The following CNTNAP2 variants were observed in gnomAD, a reference collection of about 807,000 sequenced individuals.
CNTNAP2 encodes the protein contactin associated protein 2, also known as contactin-associated protein-like 2.
Under a neutral mutation model 155.2 loss-of-function variants are expected in CNTNAP2, and 98 were observed. That is an observed-to-expected ratio of 0.63 (90% confidence interval 0.54 to 0.75). The LOEUF (loss-of-function observed/expected upper bound fraction) is 0.75, where lower values mean the gene tolerates loss of function less well. Among genes scored for constraint, CNTNAP2 ranks in the 30% least tolerant of loss-of-function variants. The pLI is 0.00. For synonymous variants in CNTNAP2, 651 were observed against 631.2 expected (o/e 1.03, Z -0.47); for missense variants, 1,727 against 1,688.1 (o/e 1.02, Z -0.40).
Position 147,575,371 on chromosome 7 carries a change from G to GGTATGTGTGTGT in CNTNAP2, c.1897+13116_1897+13117insATGTGTGTGTGT, listed in dbSNP as rs1554406980. On this transcript the variant is annotated intron_variant, in intron 12 of 23. Coordinates refer to ENST00000361727, the MANE Select transcript of CNTNAP2 (RefSeq NM_014141.6). ...TGTGTGTGTATTCCCTAGCTTTAGG[G>GGTATGTGTGTGT]GTGTGTGTGTGTGTGTGTGTGTGTG... 5.0e-4 allele frequency among the ~76,000 whole-genome samples: 48 copies of GGTATGTGTGTGT among 95,928 alleles called. 2 individuals carry two copies. The highest frequency in any genetic ancestry group is 1.7e-3 in the African/African-American group (48 of 27,462). 62.9% of individuals were successfully genotyped at this position (95,928 alleles called of 152,430 possible). A position where few individuals can be genotyped will look rare whatever the true frequency, so the allele number is the denominator to read the frequency against.
chr7:148,047,926 CTTTT>C (rs200818716), intron 15 of CNTNAP2, among the ~76,000 whole-genome samples: 1 of 148,838 alleles, frequency 6.7e-6, no homozygotes, highest in Non-Finnish European at 1.5e-5. Context: ...GGGTGCCTTA[CTTTT>C]TTTTTTGTTT....
intron 13 of CNTNAP2, among the ~76,000 whole-genome samples, chr7:147,884,726 T>G (rs1799577247): frequency 6.6e-6 from 1 of 152,130 alleles, no homozygotes; most frequent in South Asian, 2.1e-4. Context: ...CTGCCACTTA[T>G]TATTGTTATT....
At chr7:146,660,804 G>T (rs1800074370) in intron 1 of CNTNAP2, among the ~76,000 whole-genome samples, 3 of 152,046 alleles carry the variant, frequency 2.0e-5, no homozygotes, top group Admixed American at 2.0e-4. Flanking sequence ...TCACATATTT[G>T]AAAATAAGAA....
chr7:147,269,680 C>T (rs2116701867), intron 8 of CNTNAP2, among the ~76,000 whole-genome samples: 1 of 152,188 alleles, frequency 6.6e-6, no homozygotes, highest in Middle Eastern at 3.4e-3. Context: ...ATTATTTGAG[C>T]TGAGATTTAT....
chr7:147,816,270 G>A (rs969259968), intron 13 of CNTNAP2, among the ~76,000 whole-genome samples: 1 of 152,168 alleles, frequency 6.6e-6, no homozygotes, highest in Admixed American at 6.5e-5. Context: ...GTGTTACTGA[G>A]CTGGAGGGCT....
At chr7:147,960,873 A>G (rs1379367740) in intron 14 of CNTNAP2, among the ~76,000 whole-genome samples, 1 of 151,944 alleles carries the variant, frequency 6.6e-6, no homozygotes, top group Admixed American at 6.6e-5. Context: ...CCCTAGAAAT[A>G]AGTCTTTTTC....
At chr7:146,603,770 A>G (rs1271169794) in intron 1 of CNTNAP2, among the ~76,000 whole-genome samples, 1 of 150,928 alleles carries the variant, frequency 6.6e-6, no homozygotes, top group Non-Finnish European at 1.5e-5. Flanking sequence ...ATAATGCCAC[A>G]TAACTACAAC....
intron 13 of CNTNAP2, among the ~76,000 whole-genome samples, chr7:147,900,271 C>G (rs1333343532): frequency 6.6e-6 from 1 of 152,112 alleles, no homozygotes; most frequent in East Asian, 1.9e-4. Flanking sequence ...AATTGTAACC[C>G]CATGTGTCAA....
At chr7:147,730,507 A>T (rs920192247) in intron 13 of CNTNAP2, among the ~76,000 whole-genome samples, 1 of 152,058 alleles carries the variant, frequency 6.6e-6, no homozygotes, top group Non-Finnish European at 1.5e-5. Context: ...TTGGGGAACC[A>T]TGAACTCTGC....
At chr7:148,056,101 A>G (rs1260349061) in intron 15 of CNTNAP2, among the ~76,000 whole-genome samples, 3 of 152,200 alleles carry the variant, frequency 2.0e-5, no homozygotes, top group Non-Finnish European at 2.9e-5. Context: ...ATAGCAGCCT[A>G]AAGAGTGGGC....
chr7:147,130,070 A>C (rs1801322068), intron 7 of CNTNAP2, among the ~76,000 whole-genome samples: 1 of 152,128 alleles, frequency 6.6e-6, no homozygotes, highest in Admixed American at 6.6e-5. Flanking sequence ...TGGAAAAAAT[A>C]AGTTATTTTA....
chr7:147,600,156 C>T (rs1161647854), intron 12 of CNTNAP2, among the ~76,000 whole-genome samples: 1 of 152,222 alleles, frequency 6.6e-6, no homozygotes. Flanking sequence ...CCTCCTCTTT[C>T]ATCCACCACT....
chr7:147,611,840 C>A (rs1349891509), intron 12 of CNTNAP2, among the ~76,000 whole-genome samples: 1 of 152,268 alleles, frequency 6.6e-6, no homozygotes, highest in Non-Finnish European at 1.5e-5. Flanking sequence ...CCACAGCGTG[C>A]TGTGGTGAGA....
At chr7:146,874,028 AAATC>A (rs559688068) in intron 3 of CNTNAP2, among the ~76,000 whole-genome samples, 130 of 152,230 alleles carry the variant, frequency 8.5e-4, no homozygotes, top group African/African-American at 3.0e-3. Flanking sequence ...CAGGAGAAAT[AAATC>A]AGAAAGAGGT....
intron 1 of CNTNAP2, among the ~76,000 whole-genome samples, chr7:146,463,938 T>C (rs1270183926): frequency 1.3e-5 from 2 of 151,954 alleles, no homozygotes; most frequent in African/African-American, 4.8e-5. Flanking sequence ...TAGGTGAGCC[T>C]GGGAGGAATG....
chr7:146,231,822 G>T (rs546654505), intron 1 of CNTNAP2, among the ~76,000 whole-genome samples: 1 of 152,302 alleles, frequency 6.6e-6, no homozygotes. Context: ...GAAAGGAACT[G>T]CACATGTGGC....
Position 147,300,242 on chromosome 7 carries a change from A to G in CNTNAP2, c.1450A>G (p.Thr484Ala). The G allele has an allele frequency of 3.7e-6, 6 of 1,613,982 alleles. No homozygotes were observed. The highest frequency in any genetic ancestry group is 5.1e-6 in the Non-Finnish European group (6 of 1,179,924). The change falls in exon 9 of 24, where the codon ACT becomes GCT. Residue 484 changes from threonine (T) to alanine (A), a missense_variant. By Grantham distance (58) the Thr-to-Ala change is moderately conservative. Coordinates refer to ENST00000361727, the MANE Select transcript of CNTNAP2 (RefSeq NM_014141.6). ...TGGAGATGAAGCATCAGCAGTTCGA[A>G]CTAATAGTCCCCTTCAAGTTAAAAC... ...IDGDEASAVR[T>A]NSPLQVKTGE...
chr7:146,122,927 G>T (rs889649451), intron 1 of CNTNAP2, among the ~76,000 whole-genome samples: 2 of 152,096 alleles, frequency 1.3e-5, no homozygotes, highest in East Asian at 1.9e-4. Context: ...TTCCAACAAA[G>T]CATTTGCACT....
chr7:147,675,174 A>C (rs993937117), intron 13 of CNTNAP2, among the ~76,000 whole-genome samples: 1 of 152,016 alleles, frequency 6.6e-6, no homozygotes, highest in African/African-American at 2.4e-5. Flanking sequence ...TTTTGGTGGT[A>C]TCACTCCAAT....
Sources: gnomAD v4.1 joint callset for allele counts (sites outside exome capture counted in the v4.1 genomes callset) on GRCh38, gnomAD v4.1.1 for gene constraint, MANE v1.5 for transcripts, NCBI Gene and HGNC (gene_info 2026-07-23, HGNC 2026-07-21) for gene names.